The following PITPNM3 variants were observed in gnomAD, a reference collection of about 807,000 sequenced individuals.
PITPNM3 encodes membrane-associated phosphatidylinositol transfer protein 3.
In PITPNM3, 26 loss-of-function variants were observed where a neutral mutation model predicts 102.0. The ratio of observed to expected loss-of-function variants is 0.25; its 90% CI spans 0.19 to 0.35. The LOEUF is 0.35. Among genes scored for constraint, PITPNM3 ranks in the 10% least tolerant of loss-of-function variants. The pLI is 1.00. For missense variants in PITPNM3, 1,083 were observed against 1,346.1 expected (o/e 0.80, Z 3.06); for synonymous variants, 578 against 558.6 (o/e 1.03, Z -0.49).
intron 9 of PITPNM3, 93 bp from the exon 10 acceptor site, chr17:6,474,697 G>A (rs759750303): frequency 7.8e-6 from 11 of 1,413,488 alleles, no homozygotes; most frequent in East Asian, 2.5e-5. Flanking sequence ...AATTCTGAGC[G>A]TGAAGTGCCC....
intron 9 of PITPNM3, 122 bp from the exon 10 acceptor site, chr17:6,474,726 C>T (rs983245060): frequency 1.7e-5 from 21 of 1,249,634 alleles, no homozygotes; most frequent in African/African-American, 8.9e-5. Flanking sequence ...ATCTCTGGGG[C>T]GGGGCTGAGA....
rs1011057924 is a variant in PITPNM3 at position 6,457,051 on chromosome 17, C to T, written c.2619+543G>A. Among the ~76,000 whole-genome samples, 32 of 151,054 alleles carry T rather than the reference C, an allele frequency of 2.1e-4. No individual in the cohort carries two copies. Among genetic ancestry groups the T allele is most frequent in the African/African-American group, 7.0e-4 (29 of 41,356 alleles). ...GAGTCCCCACACAGGCCATCTTGGC[C>T]GCACTGACCGTTCTAGCCCCGCCCC... On this transcript the variant is annotated intron_variant, in intron 19 of 19. Coordinates refer to ENST00000262483, the MANE Select transcript of PITPNM3 (RefSeq NM_031220.4). The surrounding 1 kb of genome is among the most constrained non-coding windows in gnomAD (Gnocchi z 4.7).
At chr17:6,544,801 G>A (rs1597417940) in intron 1 of PITPNM3, among the ~76,000 whole-genome samples, 1 of 151,936 alleles carries the variant, frequency 6.6e-6, no homozygotes, top group Non-Finnish European at 1.5e-5. Flanking sequence ...GGCAGTGGGA[G>A]CCCCGTAGAC....
At chr17:6,552,218 C>T (rs1364716446) in intron 1 of PITPNM3, among the ~76,000 whole-genome samples, 1 of 152,204 alleles carries the variant, frequency 6.6e-6, no homozygotes, top group African/African-American at 2.4e-5. Context: ...GTGGCCTCGG[C>T]TCTGTCTCTG....
intron 2 of PITPNM3, among the ~76,000 whole-genome samples, chr17:6,536,395 A>G (rs1219572582): frequency 6.6e-6 from 1 of 152,232 alleles, no homozygotes; most frequent in Non-Finnish European, 1.5e-5. Context: ...CCAAGCATCA[A>G]AATATTGAAG....
rs74878323 is a variant in PITPNM3, at chr17:6,461,562, G to A, written c.2307-6C>T. 484 of 1,614,024 alleles carry A rather than the reference G, an allele frequency of 3.0e-4. 3 individuals are homozygous for A. In the African/African-American group the frequency reaches 5.6e-3, roughly 19 times the overall value. ...AGCCCAAGTCCTGCCAGTGCCTGGT[G>A]AGATGGCATTAGAAGGGTCCAGCCC... On this transcript the variant is annotated splice_polypyrimidine_tract_variant and splice_region_variant and intron_variant, in intron 17 of 19. Coordinates refer to ENST00000262483, the MANE Select transcript of PITPNM3 (RefSeq NM_031220.4).
At chr17:6,512,157 A>C (rs1266118073) in intron 3 of PITPNM3, among the ~76,000 whole-genome samples, 2 of 152,238 alleles carry the variant, frequency 1.3e-5, no homozygotes, top group Admixed American at 6.5e-5. Context: ...TTTGAAGGAC[A>C]GGACACCATG....
chr17:6,460,904 TC>T, intron 18 of PITPNM3: 1 of 264,182 alleles, frequency 3.8e-6, no homozygotes, highest in South Asian at 4.5e-5. Context: ...TTTGCACTTC[TC>T]CCGAGTTTCC....
In PITPNM3 at chr17:6,457,763, C is replaced by T. The variant is rs776356522; in HGVS notation, c.2491-41G>A. On this transcript the variant is annotated intron_variant, in intron 18 of 19. Transcript: ENST00000262483. This position sits in a 1 kb window ranked among gnomAD's most constrained non-coding sequence, Gnocchi z 4.7. ...GGCATAGGGGGAGAGTGAGGCCAGC[C>T]CACCCCCTGGAAAGCCTTCCCAGGC... 3 of 1,555,964 alleles carry T rather than the reference C, an allele frequency of 1.9e-6. No individual in the cohort carries two copies. Among genetic ancestry groups the T allele is most frequent in the Admixed American group, 1.9e-5 (1 of 51,552 alleles).
In PITPNM3 at chr17:6,478,506, G is replaced by T. The variant is rs1351760116; in HGVS notation, c.777+41C>A. Reference sequence around the variant, plus strand: ...CAGCCTCTCTCCCAGGCCGGGGCCGGAACAGGGGAGGGGAGAGGAGGAGAG... The same window carrying T: ...CAGCCTCTCTCCCAGGCCGGGGCCGTAACAGGGGAGGGGAGAGGAGGAGAG... On this transcript the variant is annotated intron_variant, in intron 7 of 19. Transcript: ENST00000262483. The surrounding 1 kb of genome is among the most constrained non-coding windows in gnomAD (Gnocchi z 4.4). The T allele has an allele frequency of 6.2e-7, 1 of 1,608,784 alleles. No homozygotes were observed. Among genetic ancestry groups the T allele is most frequent in the South Asian group, 1.1e-5 (1 of 90,888 alleles).
chr17:6,473,121 TC>T (rs1468909953), intron 10 of PITPNM3: 1 of 451,216 alleles, frequency 2.2e-6, no homozygotes, highest in Non-Finnish European at 4.1e-6. Context: ...TTGTGGGCCC[TC>T]CCTCCCCCAT....
In PITPNM3 at chr17:6,463,630, G is replaced by A. The variant is rs560990355; in HGVS notation, c.2306+102C>T. ...TTCTCAGCTCGCAGCCCCAGAGACC[G>A]GTAGAATTCCTACAGCAAATCAGAA... is the stretch of plus-strand genomic sequence containing the variant. On this transcript the variant is annotated intron_variant, in intron 17 of 19. Transcript: ENST00000262483. 59 of 1,475,906 alleles carry A rather than the reference G, an allele frequency of 4.0e-5. No individual in the cohort carries two copies. The Middle Eastern group carries it at 7.1e-4, about 18-fold the overall frequency. The allele number at this position is 1,475,906 out of a possible 1,614,324, so 91.4% of individuals were successfully genotyped here. A position where few individuals can be genotyped will look rare whatever the true frequency, so the allele number is the denominator to read the frequency against.
intron 2 of PITPNM3, among the ~76,000 whole-genome samples, chr17:6,530,173 T>G (rs1002865610): frequency 6.6e-6 from 1 of 152,162 alleles, no homozygotes; most frequent in Admixed American, 6.5e-5. Flanking sequence ...GGAAACCTGG[T>G]CCTCTATGCC....
chr17:6,489,456 G>A (rs1176253942), intron 4 of PITPNM3, among the ~76,000 whole-genome samples: 2 of 150,964 alleles, frequency 1.3e-5, no homozygotes, highest in Non-Finnish European at 2.9e-5. Flanking sequence ...CTCATACATG[G>A]GTGGAAACAT....
intron 1 of PITPNM3, among the ~76,000 whole-genome samples, chr17:6,555,963 G>C (rs1910580073): frequency 6.6e-6 from 1 of 152,178 alleles, no homozygotes; most frequent in Admixed American, 6.5e-5. Flanking sequence ...GTGGCGTCCT[G>C]GATGGAGAGA....
At chr17:6,532,787 G>A (rs1016141515) in intron 2 of PITPNM3, among the ~76,000 whole-genome samples, 3 of 152,050 alleles carry the variant, frequency 2.0e-5, no homozygotes, top group Non-Finnish European at 4.4e-5. Flanking sequence ...GTTCTCAGGT[G>A]GACAAATGCT....
Position 6,471,350 on chromosome 17 carries a change from C to T in PITPNM3, c.1435G>A (p.Ala479Thr). Residue 479 changes from alanine (A) to threonine (T), a missense_variant, in exon 12 of 20, where the codon GCC (alanine) becomes ACC (threonine). Physicochemically the swap from Ala to Thr is moderately conservative, Grantham distance 58 (BLOSUM62 0). This residue lies in a region of PITPNM3 where 410 missense variants were observed against 638.4 expected (regional missense o/e 0.64). Transcript: ENST00000262483. ...AAGAGGGGGCTGTGGGTGTGTAGGG[C>T]ATCAGCTGGAGGGGGAATTTCAAGG... ...GDGQSLLLAD[A>T]LHTHSPLFLE... 6.3e-7 allele frequency: 1 copy of T among 1,591,124 alleles called. No individual in the cohort carries two copies. The highest frequency in any genetic ancestry group is 8.5e-7 in the Non-Finnish European group (1 of 1,170,468).
At chr17:6,490,641 C>T (rs910149551) in intron 4 of PITPNM3, among the ~76,000 whole-genome samples, 3 of 151,998 alleles carry the variant, frequency 2.0e-5, no homozygotes, top group South Asian at 2.1e-4. Context: ...AATAAACAAA[C>T]GCTTTGAGGA....
chr17:6,466,335 A>G (rs1359274686), intron 14 of PITPNM3, among the ~76,000 whole-genome samples: 1 of 152,186 alleles, frequency 6.6e-6, no homozygotes, highest in Non-Finnish European at 1.5e-5. Flanking sequence ...TCAATCCAAC[A>G]AATATCTGCA....
Sources: allele counts gnomAD v4.1 joint callset (sites outside exome capture counted in the v4.1 genomes callset), GRCh38; gene constraint gnomAD v4.1.1; regional missense constraint gnomAD v4.1.1; non-coding constraint Gnocchi (gnomAD v3.1); transcripts MANE v1.5; gene names NCBI Gene and HGNC (gene_info 2026-07-23, HGNC 2026-07-21).